ATP2A2: variants seen among roughly 807,000 people sequenced by gnomAD.
ATP2A2 encodes the protein sarcoplasmic/endoplasmic reticulum calcium ATPase 2.
A neutral mutation model predicts 109.3 loss-of-function variants in ATP2A2; 14 were observed. The ratio of observed to expected loss-of-function variants is 0.13; its 90% confidence interval spans 0.08 to 0.20. The LOEUF (loss-of-function observed/expected upper bound fraction) is 0.20. Among genes scored for constraint, ATP2A2 ranks in the 10% least tolerant of loss-of-function variants. The pLI is 1.00. For missense variants in ATP2A2, 657 were observed against 1,321.6 expected (o/e 0.50, Z 7.80); for synonymous variants, 506 against 490.9 (o/e 1.03, Z -0.41).
rs1305206155 is a variant in ATP2A2 at position 110,349,647 on chromosome 12, C to T, written c.*3177C>T. On this transcript the variant is annotated 3_prime_UTR_variant, in exon 20 of 20. Coordinates refer to ENST00000539276, the MANE Select transcript of ATP2A2 (RefSeq NM_170665.4). ...AGGTGGGCAGACCTAAGACCTGAGA[C>T]CACAAGATTAGCTCAGTGTCTACCA... 1 of 987,620 alleles carries T rather than the reference C, an allele frequency of 1.0e-6. No homozygotes were observed. 61.2% of individuals were successfully genotyped at this position (987,620 alleles called of 1,614,324 possible).
intron 5 of ATP2A2, among the ~76,000 whole-genome samples, chr12:110,313,993 G>A (rs936777984): frequency 6.6e-6 from 1 of 151,518 alleles, no homozygotes; most frequent in African/African-American, 2.4e-5. Flanking sequence ...GGGATTACAG[G>A]CATGAGCCAC....
At chr12:110,337,501 G>A (rs1442137068) in intron 11 of ATP2A2, among the ~76,000 whole-genome samples, 3 of 152,222 alleles carry the variant, frequency 2.0e-5, no homozygotes, top group Non-Finnish European at 2.9e-5. Context: ...AGAATCTAGC[G>A]TAGCACTCAT....
rs986287811 is a variant in ATP2A2 at position 110,328,012 on chromosome 12, T to G, written c.1090T>G (p.Cys364Gly). ...GTLTTNQMSVCRMFILDRVEG... is the reference protein window; with the variant it reads ...GTLTTNQMSVGRMFILDRVEG... ...ACTTACAACAAACCAGATGTCAGTCTGCAGGGTAAGAGGAGTAATTTAGAA... is the reference window on the plus strand; with the variant it reads ...ACTTACAACAAACCAGATGTCAGTCGGCAGGGTAAGAGGAGTAATTTAGAA... The change falls in exon 8 of 20, where the codon TGC (cysteine) becomes GGC (glycine). Residue 364 changes from cysteine (C) to glycine (G), a missense_variant. Transcript: ENST00000539276. 1 of 1,613,086 alleles carries G rather than the reference T, an allele frequency of 6.2e-7. No homozygotes were observed. The highest frequency in any genetic ancestry group is 1.3e-5 in the African/African-American group (1 of 74,912).
chr12:110,347,018 C>A lies in ATP2A2; in HGVS notation c.*548C>A, dbSNP rs1401742125. On this transcript the variant is annotated 3_prime_UTR_variant, in exon 20 of 20. Transcript: ENST00000539276. Reference sequence around the variant, plus strand: ...TCCCTCACCCACTTTGGCCTCCGTTCACCCCACCCCACCCCACCTCTCCCC... The same window carrying A: ...TCCCTCACCCACTTTGGCCTCCGTTAACCCCACCCCACCCCACCTCTCCCC... 2.8e-6 allele frequency: 3 copies of A among 1,087,064 alleles called. No individual in the cohort carries two copies. Among genetic ancestry groups the A allele is most frequent in the Non-Finnish European group, 2.2e-6 (2 of 890,644 alleles). The allele number at this position is 1,087,064 out of a possible 1,614,324, so 67.3% of individuals were successfully genotyped here.
chr12:110,340,797 A>G lies in ATP2A2; in HGVS notation c.1900A>G (p.Ile634Val). The stretch of plus-strand genomic sequence containing the variant: ...GGACAACAAGGGCACTGCTGTGGCC[A>G]TCTGTCGCCGCATCGGCATCTTCGG... The part of the protein sequence containing the change: ...TGDNKGTAVA[I>V]CRRIGIFGQD... The change falls in exon 14 of 20, where the codon ATC becomes GTC. Residue 634 changes from isoleucine to valine, a missense_variant. Transcript: ENST00000539276. The surrounding 1 kb of genome is among the most constrained non-coding windows in gnomAD (Gnocchi z 6.0). 1 of 1,614,202 alleles carries G rather than the reference A, an allele frequency of 6.2e-7. No individual in the cohort carries two copies. The highest frequency in any genetic ancestry group is 8.5e-7 in the Non-Finnish European group (1 of 1,180,044).
intron 11 of ATP2A2, among the ~76,000 whole-genome samples, chr12:110,337,972 G>A (rs1190688856): frequency 2.6e-5 from 4 of 152,200 alleles, no homozygotes; most frequent in African/African-American, 7.2e-5. Context: ...ACGATATAAA[G>A]CCAAAGGTTT....
At chr12:110,296,835 A>G (rs1874011244) in intron 5 of ATP2A2, 98 bp downstream of exon 5, 7 of 1,358,224 alleles carry the variant, frequency 5.2e-6, no homozygotes, top group Non-Finnish European at 6.1e-6. Flanking sequence ...AATTGTTTTC[A>G]TGTATCAATT....
chr12:110,301,542 C>T (rs1874644077), intron 5 of ATP2A2, among the ~76,000 whole-genome samples: 1 of 152,196 alleles, frequency 6.6e-6, no homozygotes, highest in Admixed American at 6.5e-5. Context: ...TCGTGAACTC[C>T]GTTTCCTTGG....
At chr12:110,345,847 T>C (rs1351712713) in intron 18 of ATP2A2, 154 bp from the exon 19 acceptor site, 1 of 777,450 alleles carries the variant, frequency 1.3e-6, no homozygotes, top group African/African-American at 1.7e-5. Context: ...GGACATTCTC[T>C]TCAACTTTGC....
rs1349862729 is a variant in ATP2A2, at chr12:110,281,864, C to T, written c.75C>T (p.Ser25=). The change falls in exon 1 of 20, where the codon AGC becomes AGT. Residue 25 remains serine, a synonymous_variant. Coordinates refer to ENST00000539276, the MANE Select transcript of ATP2A2 (RefSeq NM_170665.4). ...GCGTCAACGAGAGTACGGGGCTGAG[C>T]CTGGAACAGGTCAAGAAGCTTAAGG... The part of the protein sequence containing the change: ...HFGVNESTGL[S]LEQVKKLKER... 3 of 1,577,676 alleles carry T rather than the reference C, an allele frequency of 1.9e-6. No homozygotes were observed. The highest frequency in any genetic ancestry group is 1.4e-5 in the African/African-American group (1 of 72,342).
intron 3 of ATP2A2, among the ~76,000 whole-genome samples, chr12:110,288,468 G>A (rs541503147): frequency 2.6e-5 from 4 of 151,510 alleles, no homozygotes; most frequent in South Asian, 2.1e-4. Context: ...GCAATGGCGC[G>A]ATCTCGGCTC....
chr12:110,332,475 A>G (rs1209968143), intron 8 of ATP2A2, 122 bp from the exon 9 acceptor site: 19 of 857,188 alleles, frequency 2.2e-5, no homozygotes, highest in Non-Finnish European at 3.4e-5. Flanking sequence ...GAGTTTTATT[A>G]AAGTTGTTTT....
At chr12:110,333,158 AAG>A in intron 9 of ATP2A2, 21 bp from the exon 10 acceptor site, 1 of 1,592,584 alleles carries the variant, frequency 6.3e-7, no homozygotes, top group Non-Finnish European at 8.6e-7. Flanking sequence ...ACCCTGCTCT[AAG>A]AGTGTTTTCT....
chr12:110,345,578 T>A, intron 18 of ATP2A2, 196 bp downstream of exon 18: 3 of 861,280 alleles, frequency 3.5e-6, no homozygotes, highest in Non-Finnish European at 5.4e-6. Flanking sequence ...TAGCCCTGTG[T>A]TTCTTAGGAG....
intron 4 of ATP2A2, 189 bp from the exon 5 acceptor site, chr12:110,296,409 GT>G: frequency 1.4e-6 from 1 of 724,128 alleles, no homozygotes; most frequent in South Asian, 1.7e-5. Context: ...GGTACTTAAC[GT>G]TTCGTTTTTA....
At position 110,334,202 on chromosome 12, in the gene ATP2A2, T is replaced by C. The variant is rs1878614551; in HGVS notation, c.1419+59T>C. 4 of 1,596,176 alleles carry C rather than the reference T, an allele frequency of 2.5e-6. No homozygotes were observed. In the East Asian group the frequency reaches 6.7e-5, roughly 27 times the overall value. Reference sequence around the variant, plus strand: ...GCTTATCAGTCGTACTATATATACTTAGTGTCTGCACTGTCCTACTCTCTT... The same window carrying C: ...GCTTATCAGTCGTACTATATATACTCAGTGTCTGCACTGTCCTACTCTCTT... On this transcript the variant is annotated intron_variant, in intron 11 of 19. Transcript: ENST00000539276.
At chr12:110,316,145 C>T (rs1174377293) in intron 5 of ATP2A2, among the ~76,000 whole-genome samples, 2 of 152,224 alleles carry the variant, frequency 1.3e-5, no homozygotes, top group Non-Finnish European at 2.9e-5. Context: ...TTGTTTCAAA[C>T]GCTTTACCAT....
chr12:110,281,308 C>G lies in ATP2A2; in HGVS notation c.-482C>G, dbSNP rs886048943. 6.6e-6 allele frequency: 1 copy of G among 151,700 alleles called. No homozygotes were observed. Among genetic ancestry groups the G allele is most frequent in the South Asian group, 2.1e-4 (1 of 4,836 alleles). 9.4% of individuals were successfully genotyped at this position (151,700 alleles called of 1,614,324 possible). ...CCTCCTTTTCCTTCGCCGCAGTTTC[C>G]TCCGCCGCTGTCGGGCGTGCGGCGC... On this transcript the variant is annotated 5_prime_UTR_variant, in exon 1 of 20. Transcript: ENST00000539276.
In ATP2A2 at chr12:110,327,041, G is replaced by T. The variant is rs1377250765; in HGVS notation, c.631-512G>T. On this transcript the variant is annotated intron_variant, in intron 7 of 19. Coordinates refer to ENST00000539276, the MANE Select transcript of ATP2A2 (RefSeq NM_170665.4). The surrounding 1 kb of genome is among the most constrained non-coding windows in gnomAD (Gnocchi z 4.4). ...CATAGTAAGTAAATAGAGGTACCCT[G>T]AAAATAGTGAAGCCATGTCCTTCTC... Among the ~76,000 whole-genome samples, 2 of 152,210 alleles carry T rather than the reference G, an allele frequency of 1.3e-5. No homozygotes were observed. Among genetic ancestry groups the T allele is most frequent in the Non-Finnish European group, 2.9e-5 (2 of 68,036 alleles).
Sources: gnomAD v4.1 joint callset for allele counts (sites outside exome capture counted in the v4.1 genomes callset) on GRCh38, gnomAD v4.1.1 for gene constraint, Gnocchi (gnomAD v3.1) non-coding constraint, MANE v1.5 for transcripts, NCBI Gene and HGNC (gene_info 2026-07-23, HGNC 2026-07-21) for gene names.